MRPL58: variants seen among roughly 807,000 people sequenced by gnomAD.
The protein encoded by MRPL58 is mitochondrial ribosomal protein L58, also known as large ribosomal subunit protein mL62.
MRPL58 carries 17 observed loss-of-function variants against 26.0 expected under a neutral mutation model. That is an observed-to-expected ratio of 0.65 (90% CI 0.45 to 0.98). MRPL58 has a LOEUF of 0.98. Among genes scored for constraint, MRPL58 ranks in the 50% least tolerant of loss-of-function variants. The probability of loss-of-function intolerance (pLI) is 0.00; values close to 1 mark genes in which losing one functional copy is unlikely to be tolerated. For missense variants in MRPL58, 250 were observed against 269.0 expected, an observed-to-expected ratio of 0.93 and a Z score of 0.49; for synonymous variants, 100 against 99.7, an observed-to-expected ratio of 1.00 and a Z score of -0.02.
At position 75,013,942 on chromosome 17, in the gene MRPL58, T is replaced by A. The variant is rs1598664845; in HGVS notation, c.186+1070T>A. Among the ~76,000 whole-genome samples the A allele has an allele frequency of 2.0e-5, 3 of 152,290 alleles. No homozygotes were observed. The South Asian group carries it at 6.2e-4, about 32-fold the overall frequency. On this transcript the variant is annotated intron_variant, in intron 1 of 5. Coordinates refer to ENST00000301585, the MANE Select transcript of MRPL58 (RefSeq NM_001545.3). ...GAGAGCTTGAAGCAGAATGGAATTA[T>A]CTTAGTTTTACAAGGATCACTCAGA...
chr17:75,014,670 C>T (rs2144881565), intron 1 of MRPL58, among the ~76,000 whole-genome samples: 1 of 152,036 alleles, frequency 6.6e-6, no homozygotes, highest in South Asian at 2.1e-4. Context: ...TAGTCTCAAA[C>T]TCCTGACCTC....
intron 3 of MRPL58, among the ~76,000 whole-genome samples, chr17:75,020,021 A>C (rs908461601): frequency 6.6e-6 from 1 of 150,562 alleles, no homozygotes; most frequent in Non-Finnish European, 1.5e-5. Flanking sequence ...CTCCAAGAAC[A>C]GGTTTCTTTC....
At chr17:75,013,688 G>A (rs902417918) in intron 1 of MRPL58, among the ~76,000 whole-genome samples, 11 of 152,178 alleles carry the variant, frequency 7.2e-5, no homozygotes, top group Non-Finnish European at 1.3e-4. Context: ...GGTGGCATTT[G>A]AATAACGACC....
At chr17:75,013,170 T>A (rs2039946646) in intron 1 of MRPL58, among the ~76,000 whole-genome samples, 1 of 152,196 alleles carries the variant, frequency 6.6e-6, no homozygotes. Context: ...ATACGGGCAT[T>A]CTGGCCCTCC....
chr17:75,014,287 G>A (rs1320587217), intron 1 of MRPL58, among the ~76,000 whole-genome samples: 2 of 141,322 alleles, frequency 1.4e-5, no homozygotes, highest in African/African-American at 2.6e-5. Context: ...CCGGGTTCAC[G>A]CCATTCTCCT....
intron 1 of MRPL58, among the ~76,000 whole-genome samples, chr17:75,013,219 G>A (rs1347910445): frequency 2.6e-5 from 4 of 152,334 alleles, no homozygotes; most frequent in Admixed American, 6.5e-5. Flanking sequence ...CAAGTTGTTT[G>A]CTACCCTTTG....
At chr17:75,020,727 G>A (rs1251620288) in intron 5 of MRPL58, 70 bp downstream of exon 5, 8 of 1,530,326 alleles carry the variant, frequency 5.2e-6, no homozygotes, top group Middle Eastern at 3.4e-4. Context: ...GTAAGGAAGG[G>A]GCAGGGGAGA....
At position 75,020,830 on chromosome 17, in the gene MRPL58, C is replaced by T. The variant is rs2144889530; in HGVS notation, c.537-91C>T. 5 of 1,237,296 alleles carry T rather than the reference C, an allele frequency of 4.0e-6. No individual in the cohort carries two copies. The South Asian group carries it at 6.2e-5, about 15-fold the overall frequency. 76.6% of individuals were successfully genotyped at this position (1,237,296 alleles called of 1,614,324 possible). A position where few individuals can be genotyped will look rare whatever the true frequency, so the allele number is the denominator to read the frequency against. On this transcript the variant is annotated intron_variant, in intron 5 of 5. Coordinates refer to ENST00000301585, the MANE Select transcript of MRPL58 (RefSeq NM_001545.3). ...GGGCTAGTGCCTGCTGGTGTAACTGCTCGGCTTCCCGTTGAGCTCCCAACT... is the reference window on the plus strand; with the variant it reads ...GGGCTAGTGCCTGCTGGTGTAACTGTTCGGCTTCCCGTTGAGCTCCCAACT...
In MRPL58 at chr17:75,012,706, T is replaced by C. The variant is rs773141152; in HGVS notation, c.20T>C (p.Leu7Pro). 1.3e-6 allele frequency: 2 copies of C among 1,561,134 alleles called. No homozygotes were observed. Among genetic ancestry groups the C allele is most frequent in the Non-Finnish European group, 1.7e-6 (2 of 1,156,336 alleles). The change falls in exon 1 of 6, where the codon CTG becomes CCG. Residue 7 changes from leucine (L) to proline (P), a missense_variant. Physicochemically the swap from Leu to Pro is moderately conservative, Grantham distance 98 (BLOSUM62 -3). Transcript: ENST00000301585. MAATRC[L>P]RWGLSRAGVW... ...CTGAGCATGGCGGCCACCAGGTGCC[T>C]GCGCTGGGGCCTGAGCCGAGCCGGA...
Position 75,020,690 on chromosome 17 carries a change from G to T in MRPL58, c.536+33G>T. The T allele has an allele frequency of 1.9e-6, 3 of 1,603,668 alleles. No individual in the cohort carries two copies. The South Asian group carries it at 3.3e-5, about 18-fold the overall frequency. ...GAAATGCCCTAAGATGCTATAAACTGATTTGTGTGGACAAGAGTCTACACA... is the reference window on the plus strand; with the variant it reads ...GAAATGCCCTAAGATGCTATAAACTTATTTGTGTGGACAAGAGTCTACACA... On this transcript the variant is annotated intron_variant, in intron 5 of 5. Coordinates refer to ENST00000301585, the MANE Select transcript of MRPL58 (RefSeq NM_001545.3).
At chr17:75,020,708 T>A (rs778497713) in intron 5 of MRPL58, 51 bp downstream of exon 5, 1 of 1,579,658 alleles carries the variant, frequency 6.3e-7, no homozygotes, top group South Asian at 1.1e-5. Flanking sequence ...TGGACAAGAG[T>A]CTACACAGGT....
intron 2 of MRPL58, among the ~76,000 whole-genome samples, chr17:75,019,129 CAAA>C (rs57738832): frequency 1.4e-5 from 2 of 138,572 alleles, no homozygotes; most frequent in African/African-American, 2.6e-5. Context: ...GACCCTGTCT[CAAA>C]AAAAAAAAAA....
chr17:75,016,370 C>T (rs111512583), intron 1 of MRPL58, among the ~76,000 whole-genome samples: 1 of 151,750 alleles, frequency 6.6e-6, no homozygotes. Flanking sequence ...GAGCTGAGAT[C>T]GCACTATTGT....
At chr17:75,016,956 C>T in intron 1 of MRPL58, 122 bp from the exon 2 acceptor site, 1 of 774,178 alleles carries the variant, frequency 1.3e-6, no homozygotes, top group East Asian at 2.6e-5. Flanking sequence ...TTGCAGGGGA[C>T]CTGAAAATAC....
chr17:75,019,671 T>TTG, intron 2 of MRPL58, 29 bp from the exon 3 acceptor site: 5 of 1,603,610 alleles, frequency 3.1e-6, no homozygotes, highest in Admixed American at 1.7e-5. Flanking sequence ...GTAATCAGTT[T>TTG]TGTGTGTGTA....
chr17:75,018,263 G>A (rs1029328719), intron 2 of MRPL58, among the ~76,000 whole-genome samples: 1 of 148,878 alleles, frequency 6.7e-6, no homozygotes. Context: ...ATGGAGTCTC[G>A]CTCTGTCACC....
intron 2 of MRPL58, 130 bp downstream of exon 2, chr17:75,017,244 T>A: frequency 1.4e-6 from 1 of 710,226 alleles, no homozygotes; most frequent in African/African-American, 1.8e-5. Context: ...TGGGCCGAGT[T>A]TGTGCCATTG....
At position 75,019,736 on chromosome 17, in the gene MRPL58, C is replaced by T; in HGVS notation, c.260C>T (p.Pro87Leu). 6.2e-7 allele frequency: 1 copy of T among 1,608,536 alleles called. No individual in the cohort carries two copies. Among genetic ancestry groups the T allele is most frequent in the Non-Finnish European group, 8.5e-7 (1 of 1,175,968 alleles). The change falls in exon 3 of 6, where the codon CCT becomes CTT. Residue 87 changes from proline to leucine, a missense_variant. Pro to Leu is a moderately conservative substitution (Grantham distance 98, BLOSUM62 -3). Transcript: ENST00000301585. ...LTISYCRSSG[P>L]GGQNVNKVNS... ...ATATCTTATTGTCGGAGTAGTGGTC[C>T]TGGGGGGCAGAATGTGAACAAAGGT...
At chr17:75,014,986 G>A (rs1345684350) in intron 1 of MRPL58, among the ~76,000 whole-genome samples, 2 of 152,190 alleles carry the variant, frequency 1.3e-5, no homozygotes. Flanking sequence ...ATATCAGGTA[G>A]TGAGAAGTAG....
Sources: allele counts gnomAD v4.1 joint callset (sites outside exome capture counted in the v4.1 genomes callset), GRCh38; gene constraint gnomAD v4.1.1; transcripts MANE v1.5; gene names NCBI Gene and HGNC (gene_info 2026-07-23, HGNC 2026-07-21).